The following SLC24A3 variants were observed in gnomAD, a reference collection of about 807,000 sequenced individuals.
The protein encoded by SLC24A3 is solute carrier family 24 member 3.
SLC24A3 carries 28 observed loss-of-function variants against 75.8 expected under a neutral mutation model. The observed-to-expected ratio is 0.37, with a 90% CI of 0.27 to 0.51. SLC24A3 has a LOEUF of 0.51. Ranked by LOEUF, SLC24A3 falls within the 20% of genes least tolerant of loss-of-function variation. The pLI is 0.94. For synonymous variants in SLC24A3, 372 were observed against 334.1 expected, an observed-to-expected ratio of 1.11 and a Z score of -1.24; for missense variants, 663 against 847.8, an observed-to-expected ratio of 0.78 and a Z score of 2.71.
At position 19,529,618 on chromosome 20, in the gene SLC24A3, G is replaced by A. The variant is rs144472079; in HGVS notation, c.348+14054G>A. On this transcript the variant is annotated intron_variant, in intron 3 of 16. Coordinates refer to ENST00000328041, the MANE Select transcript of SLC24A3 (RefSeq NM_020689.4). ...ACATACATGAGGATCAAGACTGCAC[G>A]ATCTGGCCCTGACTACCTCTCCCAA... Among the ~76,000 whole-genome samples the A allele has an allele frequency of 4.1e-3, 620 of 152,216 alleles. 1 individual carries two copies. Among genetic ancestry groups the A allele is most frequent in the Non-Finnish European group, 7.3e-3 (495 of 68,026 alleles).
intron 2 of SLC24A3, among the ~76,000 whole-genome samples, chr20:19,312,694 C>G (rs1419726805): frequency 2.0e-5 from 3 of 152,114 alleles, no homozygotes; most frequent in Non-Finnish European, 4.4e-5. Flanking sequence ...GTTTTGTTGC[C>G]CTCACACCTT....
At chr20:19,478,949 T>A (rs1988005803) in intron 2 of SLC24A3, among the ~76,000 whole-genome samples, 1 of 152,232 alleles carries the variant, frequency 6.6e-6, no homozygotes, top group Non-Finnish European at 1.5e-5. Context: ...GCAGGTCTCC[T>A]TCAAAAGCGA....
intron 2 of SLC24A3, among the ~76,000 whole-genome samples, chr20:19,286,854 T>A (rs182807014): frequency 1.3e-5 from 2 of 152,352 alleles, no homozygotes; most frequent in East Asian, 3.9e-4. Context: ...GTTAATGTGG[T>A]TATTGCTGGG....
At chr20:19,707,786 A>G (rs941876238) in intron 15 of SLC24A3, among the ~76,000 whole-genome samples, 1 of 152,248 alleles carries the variant, frequency 6.6e-6, no homozygotes, top group East Asian at 1.9e-4. Context: ...GATGAGGAAC[A>G]CATTTAAGAT....
chr20:19,683,300 C>T (rs2032635739), intron 10 of SLC24A3, among the ~76,000 whole-genome samples: 1 of 152,188 alleles, frequency 6.6e-6, no homozygotes, highest in Admixed American at 6.5e-5. Flanking sequence ...GCCAGTGTTT[C>T]CAGAGATCAC....
chr20:19,414,915 A>G (rs181633787), intron 2 of SLC24A3, among the ~76,000 whole-genome samples: 1 of 152,340 alleles, frequency 6.6e-6, no homozygotes, highest in East Asian at 1.9e-4. Context: ...ACCAAAATAA[A>G]TAATTATCTT....
At chr20:19,534,279 C>T (rs1307150429) in intron 3 of SLC24A3, among the ~76,000 whole-genome samples, 1 of 152,246 alleles carries the variant, frequency 6.6e-6, no homozygotes, top group Non-Finnish European at 1.5e-5. Flanking sequence ...TACCTGTGGC[C>T]AGTCCACTGG....
intron 6 of SLC24A3, among the ~76,000 whole-genome samples, chr20:19,638,256 A>G (rs1200934842): frequency 2.6e-5 from 4 of 152,224 alleles, no homozygotes; most frequent in Admixed American, 2.0e-4. Flanking sequence ...CCAAAAGTAG[A>G]TAAATCTAGA....
chr20:19,267,259 T>TTTA (rs1983194553), intron 1 of SLC24A3, among the ~76,000 whole-genome samples: 1 of 152,186 alleles, frequency 6.6e-6, no homozygotes, highest in Admixed American at 6.5e-5. Context: ...TTTAAGGTTG[T>TTTA]TTATTTTAAG....
At chr20:19,453,522 C>G (rs1488666556) in intron 2 of SLC24A3, among the ~76,000 whole-genome samples, 1 of 152,192 alleles carries the variant, frequency 6.6e-6, no homozygotes. Flanking sequence ...TGACCAAGCT[C>G]TGGAGGTCCT....
intron 6 of SLC24A3, among the ~76,000 whole-genome samples, chr20:19,637,075 G>A (rs1246737961): frequency 2.0e-5 from 3 of 152,194 alleles, no homozygotes; most frequent in African/African-American, 7.2e-5. Context: ...CAAGGTGGTG[G>A]ATCACCTGAG....
intron 2 of SLC24A3, among the ~76,000 whole-genome samples, chr20:19,494,689 T>G (rs1253201446): frequency 6.6e-6 from 1 of 152,106 alleles, no homozygotes; most frequent in African/African-American, 2.4e-5. Flanking sequence ...GCCTGGAATT[T>G]GGGACAGAAG....
intron 6 of SLC24A3, among the ~76,000 whole-genome samples, chr20:19,627,132 C>A (rs2031875898): frequency 6.6e-6 from 1 of 152,214 alleles, no homozygotes; most frequent in African/African-American, 2.4e-5. Context: ...TGGCATGCAA[C>A]AGGCACTTAG....
At chr20:19,711,776 A>C (rs1342566205) in intron 15 of SLC24A3, among the ~76,000 whole-genome samples, 3 of 152,170 alleles carry the variant, frequency 2.0e-5, no homozygotes, top group Non-Finnish European at 4.4e-5. Context: ...AGTAGCTGGA[A>C]CTACAGGTAC....
chr20:19,534,384 C>T lies in SLC24A3; in HGVS notation c.348+18820C>T, dbSNP rs1318183146. ...AAGTGTGGAGAGTCCTGTTTGACAT[C>T]CAAAAAGGCTTTTCTGTTGTTGTTT... On this transcript the variant is annotated intron_variant, in intron 3 of 16. Coordinates refer to ENST00000328041, the MANE Select transcript of SLC24A3 (RefSeq NM_020689.4). Among the ~76,000 whole-genome samples, 7 of 77,582 alleles carry T rather than the reference C, an allele frequency of 9.0e-5. No individual in the cohort carries two copies. In the East Asian group the frequency reaches 2.3e-3, roughly 25 times the overall value. The allele number at this position is 77,582 out of a possible 152,430, so 50.9% of individuals were successfully genotyped here.
intron 2 of SLC24A3, among the ~76,000 whole-genome samples, chr20:19,475,588 A>C (rs1314256485): frequency 6.6e-6 from 1 of 152,214 alleles, no homozygotes; most frequent in Non-Finnish European, 1.5e-5. Context: ...ACTGGACATG[A>C]CCAGTTAGAA....
intron 2 of SLC24A3, among the ~76,000 whole-genome samples, chr20:19,498,230 A>G (rs1316179166): frequency 6.6e-6 from 1 of 152,208 alleles, no homozygotes; most frequent in Non-Finnish European, 1.5e-5. Context: ...GGTGAGTTGT[A>G]TAATTATTTC....
At chr20:19,366,167 T>C (rs1600450262) in intron 2 of SLC24A3, among the ~76,000 whole-genome samples, 2 of 151,828 alleles carry the variant, frequency 1.3e-5, no homozygotes, top group African/African-American at 4.8e-5. Context: ...AGGGTGGGGG[T>C]GGAGTCCTGC....
At chr20:19,536,897 ATGT>A in intron 3 of SLC24A3, among the ~76,000 whole-genome samples, 1 of 152,222 alleles carries the variant, frequency 6.6e-6, no homozygotes, top group Non-Finnish European at 1.5e-5. Flanking sequence ...AAAGACTTAC[ATGT>A]TACACCTAAA....
Sources: gnomAD v4.1 joint callset for allele counts (sites outside exome capture counted in the v4.1 genomes callset) on GRCh38, gnomAD v4.1.1 for gene constraint, MANE v1.5 for transcripts, NCBI Gene and HGNC (gene_info 2026-07-23, HGNC 2026-07-21) for gene names.